Variants in PWWP2A observed in about 807,000 individuals in gnomAD.
PWWP2A encodes the protein PWWP domain-containing protein 2A.
In PWWP2A, 18 loss-of-function variants were observed where a neutral mutation model predicts 48.5. The observed-to-expected ratio is 0.37, with a 90% confidence interval of 0.26 to 0.55. PWWP2A has a LOEUF of 0.55. Ranked by LOEUF, PWWP2A falls within the 20% of genes least tolerant of loss-of-function variation. PWWP2A has a pLI of 0.81. For missense variants in PWWP2A, 867 were observed against 976.4 expected (o/e 0.89, Z 1.49); for synonymous variants, 396 against 387.7 (o/e 1.02, Z -0.25).
Position 160,093,156 on chromosome 5 carries a change from C to A in PWWP2A, c.1494G>T (p.Arg498=). The A allele has an allele frequency of 6.2e-7, 1 of 1,613,914 alleles. No individual in the cohort carries two copies. Among genetic ancestry groups the A allele is most frequent in the South Asian group, 1.1e-5 (1 of 91,078 alleles). The change falls in exon 2 of 2, where the codon CGG becomes CGT. Residue 498 remains arginine, a synonymous_variant. Transcript: ENST00000307063. This position sits in a 1 kb window ranked among gnomAD's most constrained non-coding sequence, Gnocchi z 5.8. The stretch of plus-strand genomic sequence containing the variant: ...GGGGCTTGGGTGCCATCTTGCCACT[C>A]CGCATTTTCTCAAGTCCTGTCTTCA... ...SSLKTGLEKM[R]SGKMAPKPQS...
At chr5:160,114,281 C>T (rs1757878874) in intron 1 of PWWP2A, among the ~76,000 whole-genome samples, 1 of 151,858 alleles carries the variant, frequency 6.6e-6, no homozygotes, top group African/African-American at 2.4e-5. Context: ...CTGTAATCCC[C>T]AGCACTTTGG....
chr5:160,095,258 T>C (rs542564060), intron 1 of PWWP2A, among the ~76,000 whole-genome samples: 8 of 152,146 alleles, frequency 5.3e-5, no homozygotes, highest in Non-Finnish European at 1.2e-4. Context: ...CCATTACGGG[T>C]CCAGACTCTG....
At chr5:160,088,957 A>G (rs755950387), downstream of PWWP2A, among the ~76,000 whole-genome samples, 50 of 152,226 alleles carry the variant, frequency 3.3e-4, no homozygotes, top group Non-Finnish European at 5.3e-4. Flanking sequence ...ATATGTTGCA[A>G]TTTAGATACT....
chr5:160,050,627 C>CTTTTT, the PWWP2A span, among the ~76,000 whole-genome samples: 1 of 109,340 alleles, frequency 9.1e-6, no homozygotes, highest in African/African-American at 3.6e-5. Context: ...CCAAACAAAA[C>CTTTTT]TTTTTTTTTT....
intron 1 of PWWP2A, among the ~76,000 whole-genome samples, chr5:160,111,421 G>C (rs1757558665): frequency 6.6e-6 from 1 of 151,948 alleles, no homozygotes; most frequent in African/African-American, 2.4e-5. Context: ...GCCCACCTCG[G>C]CCTCCCAAAG....
chr5:160,095,540 G>T (rs1417004203), intron 1 of PWWP2A, among the ~76,000 whole-genome samples: 1 of 152,088 alleles, frequency 6.6e-6, no homozygotes, highest in Admixed American at 6.5e-5. Flanking sequence ...TGCCAATCCT[G>T]TAAGGCAAAG....
intron 1 of PWWP2A, among the ~76,000 whole-genome samples, chr5:160,114,770 A>G (rs1269947034): frequency 1.1e-4 from 1 of 9,328 alleles, no homozygotes; most frequent in Non-Finnish European, 2.1e-4. Flanking sequence ...CTCAAGGGTA[A>G]AAAAAAAAAA....
At chr5:160,095,457 T>C (rs1755536571) in intron 1 of PWWP2A, among the ~76,000 whole-genome samples, 1 of 152,130 alleles carries the variant, frequency 6.6e-6, no homozygotes, top group African/African-American at 2.4e-5. Context: ...CCAAATAATT[T>C]CAGCATATAG....
chr5:160,047,533 T>A, the PWWP2A span, among the ~76,000 whole-genome samples: 10 of 152,324 alleles, frequency 6.6e-5, no homozygotes, highest in East Asian at 1.7e-3. Flanking sequence ...CTCACAGCTT[T>A]CAGTCTTGCC....
At chr5:160,114,839 T>A (rs1436571005) in intron 1 of PWWP2A, among the ~76,000 whole-genome samples, 1 of 147,392 alleles carries the variant, frequency 6.8e-6, no homozygotes, top group Non-Finnish European at 1.5e-5. Context: ...CTACAAAAAA[T>A]TTTAAAATTA....
intron 1 of PWWP2A, among the ~76,000 whole-genome samples, chr5:160,107,770 G>A (rs1212698651): frequency 1.3e-5 from 2 of 151,932 alleles, no homozygotes; most frequent in Non-Finnish European, 2.9e-5. Context: ...TGTAATCCCA[G>A]CATTTTGGGA....
chr5:160,066,630 A>G (rs1753617792), intron 3 of PWWP2A: 1 of 152,110 alleles, frequency 6.6e-6, no homozygotes, highest in Non-Finnish European at 1.5e-5. Flanking sequence ...AAAAAATTTT[A>G]AGAGCATTTC....
chr5:160,106,499 A>AG (rs1756908447), intron 1 of PWWP2A, among the ~76,000 whole-genome samples: 1 of 152,210 alleles, frequency 6.6e-6, no homozygotes, highest in African/African-American at 2.4e-5. Context: ...TTAAATATGC[A>AG]GGAAAAAATA....
intron 3 of PWWP2A, chr5:160,080,539 A>G: frequency 9.3e-7 from 1 of 1,069,810 alleles, no homozygotes; most frequent in Non-Finnish European, 1.2e-6. Flanking sequence ...AATGAAAACT[A>G]AAGAAAAAGA....
the PWWP2A span, among the ~76,000 whole-genome samples, chr5:160,045,545 CTCTCTCT>C: frequency 7.5e-5 from 11 of 147,120 alleles, no homozygotes; most frequent in Admixed American, 4.2e-4. Flanking sequence ...CTCTCTCTCT[CTCTCTCT>C]CCCCCTCCCC....
At chr5:160,104,072 C>T (rs1387881437) in intron 1 of PWWP2A, among the ~76,000 whole-genome samples, 2 of 141,702 alleles carry the variant, frequency 1.4e-5, no homozygotes, top group Non-Finnish European at 3.0e-5. Flanking sequence ...TGCAGTGACC[C>T]GGGATGCACC....
At chr5:160,089,568 A>T, downstream of PWWP2A, 1 of 1,288,244 alleles carries the variant, frequency 7.8e-7, no homozygotes. Flanking sequence ...AGTTGAATGG[A>T]TGTTCCTTCC....
chr5:160,092,625 A>G lies in PWWP2A; in HGVS notation c.2025T>C (p.Thr675=), dbSNP rs1012900017. ...GFPWWPARIL[T]ITVSRKDNGL... Reference sequence around the variant, plus strand: ...CGTTATCTTTCCGGCTCACAGTTATAGTAAGAATACGGGCTGGCCACCAAG... The same window carrying G: ...CGTTATCTTTCCGGCTCACAGTTATGGTAAGAATACGGGCTGGCCACCAAG... The change falls in exon 2 of 2, where the codon ACT becomes ACC. Residue 675 remains threonine, a synonymous_variant. Transcript: ENST00000307063. The G allele has an allele frequency of 2.2e-5, 34 of 1,551,602 alleles. No individual in the cohort carries two copies. Among genetic ancestry groups the G allele is most frequent in the Non-Finnish European group, 2.8e-5 (32 of 1,147,002 alleles).
intron 3 of PWWP2A, among the ~76,000 whole-genome samples, chr5:160,080,155 A>G (rs1234479283): frequency 6.6e-6 from 1 of 152,262 alleles, no homozygotes; most frequent in Non-Finnish European, 1.5e-5. Flanking sequence ...TGCTTTATGT[A>G]AATGACAATG....
Sources: allele counts gnomAD v4.1 joint callset (sites outside exome capture counted in the v4.1 genomes callset), GRCh38; gene constraint gnomAD v4.1.1; non-coding constraint Gnocchi (gnomAD v3.1); transcripts MANE v1.5; gene names NCBI Gene and HGNC (gene_info 2026-07-23, HGNC 2026-07-21).